SLC46A2: variants seen among roughly 807,000 people sequenced by gnomAD.
The protein encoded by SLC46A2 is thymic stromal co-transporter.
SLC46A2 carries 25 observed loss-of-function variants against 33.1 expected under a neutral mutation model. The observed-to-expected ratio is 0.76, with a 90% confidence interval of 0.55 to 1.06. The LOEUF (loss-of-function observed/expected upper bound fraction) is 1.06, where lower values mean the gene tolerates loss of function less well. SLC46A2 is among the 50% of genes least tolerant of loss of function. SLC46A2 has a pLI of 0.00. For missense variants in SLC46A2, 622 were observed against 621.7 expected, an observed-to-expected ratio of 1.00 and a Z score of 0.00; for synonymous variants, 254 against 275.9, an observed-to-expected ratio of 0.92 and a Z score of 0.79.
chr9:112,888,048 CG>C (rs1841668542), intron 1 of SLC46A2, among the ~76,000 whole-genome samples: 2 of 151,916 alleles, frequency 1.3e-5, no homozygotes, highest in South Asian at 4.2e-4. Context: ...GAGGCCGAGG[CG>C]GGTGGATCAT....
intron 1 of SLC46A2, 104 bp from the exon 2 acceptor site, chr9:112,887,517 A>T: frequency 9.7e-6 from 10 of 1,027,310 alleles, no homozygotes; most frequent in Admixed American, 2.9e-5. Flanking sequence ...CACAATCCGA[A>T]TGTGGCTTGA....
At position 112,890,523 on chromosome 9, in the gene SLC46A2, G is replaced by A. The variant is rs1465059721; in HGVS notation, c.159C>T (p.Ser53=). 1.7e-5 allele frequency: 27 copies of A among 1,613,682 alleles called. No individual in the cohort carries two copies. Among genetic ancestry groups the A allele is most frequent in the Non-Finnish European group, 2.2e-5 (26 of 1,179,954 alleles). ...VVKASYGTGG[S]SNHSASPSPR... is the part of the protein sequence containing the mutation. Reference sequence around the variant, plus strand: ...GCGATGGGCTGGCACTGTGGTTGGAGGAGCCTCCGGTTCCGTAGGACGCCT... The same window carrying A: ...GCGATGGGCTGGCACTGTGGTTGGAAGAGCCTCCGGTTCCGTAGGACGCCT... The change falls in exon 1 of 4, where the codon TCC becomes TCT. Residue 53 remains serine (S), a synonymous_variant. Transcript: ENST00000374228. This position sits in a 1 kb window ranked among gnomAD's most constrained non-coding sequence, Gnocchi z 6.0.
intron 3 of SLC46A2, among the ~76,000 whole-genome samples, chr9:112,882,880 G>A (rs1406806414): frequency 6.6e-6 from 1 of 152,150 alleles, no homozygotes; most frequent in South Asian, 2.1e-4. Flanking sequence ...TGAGAAGACA[G>A]CCCAGAATAG....
chr9:112,879,883 C>T, intron 3 of SLC46A2, 64 bp from the exon 4 acceptor site: 1 of 1,447,698 alleles, frequency 6.9e-7, no homozygotes, highest in Non-Finnish European at 9.7e-7. Context: ...GTGAAACTGC[C>T]CTCACAGGGT....
Position 112,890,219 on chromosome 9 carries a change from C to G in SLC46A2, c.463G>C (p.Gly155Arg), listed in dbSNP as rs1841710358. The change falls in exon 1 of 4, where the codon GGG (glycine) becomes CGG (arginine). Residue 155 changes from glycine to arginine, a missense_variant. Transcript: ENST00000374228. This position sits in a 1 kb window ranked among gnomAD's most constrained non-coding sequence, Gnocchi z 6.0. ...LFGGFSAFWSGVMALGSLGSS... is the reference protein window; with the variant it reads ...LFGGFSAFWSRVMALGSLGSS... ...CCCAGCGATCCCAGCGCCATGACCC[C>G]GGACCAGAAGGCGGAGAAGCCGCCG... 2.5e-6 allele frequency: 4 copies of G among 1,613,116 alleles called. No individual in the cohort carries two copies. Among genetic ancestry groups the G allele is most frequent in the Non-Finnish European group, 3.4e-6 (4 of 1,179,898 alleles).
At chr9:112,881,706 C>A (rs1841579757) in intron 3 of SLC46A2, 1 of 152,236 alleles carries the variant, frequency 6.6e-6, no homozygotes, top group Non-Finnish European at 1.5e-5. Context: ...GTGCTGAACA[C>A]AGAAGATACA....
In SLC46A2 at chr9:112,890,291, A is replaced by T; in HGVS notation, c.391T>A (p.Trp131Arg). The change falls in exon 1 of 4, where the codon TGG (tryptophan) becomes AGG (arginine). Residue 131 changes from tryptophan to arginine, a missense_variant. Trp to Arg is a moderately radical substitution (Grantham distance 101). Coordinates refer to ENST00000374228, the MANE Select transcript of SLC46A2 (RefSeq NM_033051.4). This position sits in a 1 kb window ranked among gnomAD's most constrained non-coding sequence, Gnocchi z 6.0. ...LGLLLKVLLDWPVEVLYGAAA... is the reference protein window; with the variant it reads ...LGLLLKVLLDRPVEVLYGAAA... ...GCCCCGTACAGCACCTCCACTGGCCAGTCCAGCAGCACCTTGAGCAGCAGC... is the reference window on the plus strand; with the variant it reads ...GCCCCGTACAGCACCTCCACTGGCCTGTCCAGCAGCACCTTGAGCAGCAGC... 6.2e-7 allele frequency: 1 copy of T among 1,613,686 alleles called. No homozygotes were observed. Among genetic ancestry groups the T allele is most frequent in the Non-Finnish European group, 8.5e-7 (1 of 1,179,916 alleles).
At position 112,889,867 on chromosome 9, in the gene SLC46A2, G is replaced by A; in HGVS notation, c.815C>T (p.Ser272Phe). 6.2e-7 allele frequency: 1 copy of A among 1,614,236 alleles called. No homozygotes were observed. The highest frequency in any genetic ancestry group is 2.2e-5 in the East Asian group (1 of 44,882). Residue 272 changes from serine (S) to phenylalanine (F), a missense_variant, in exon 1 of 4, where the codon TCT becomes TTT. Ser to Phe is a radical substitution (Grantham distance 155, BLOSUM62 -2). Coordinates refer to ENST00000374228, the MANE Select transcript of SLC46A2 (RefSeq NM_033051.4). ...TTTATGGGGTTTTGCTTTTCCAGGA[G>A]ATGGAGGGTGCCCCACTGCATACTG... is the stretch of plus-strand genomic sequence containing the variant. ...DQQYAVGHPP[S>F]PGKAKPHKTT...
rs750409266 is a variant in SLC46A2 at position 112,890,330 on chromosome 9, G to A, written c.352C>T (p.Leu118Phe). 2 of 1,613,906 alleles carry A rather than the reference G, an allele frequency of 1.2e-6. No individual in the cohort carries two copies. Among genetic ancestry groups the A allele is most frequent in the Admixed American group, 3.3e-5 (2 of 60,028 alleles). The change falls in exon 1 of 4, where the codon CTC (leucine) becomes TTC (phenylalanine). Residue 118 changes from leucine (L) to phenylalanine (F), a missense_variant. Transcript: ENST00000374228. The surrounding 1 kb of genome is among the most constrained non-coding windows in gnomAD (Gnocchi z 6.0). ...SICMSLLGFL[L>F]SRLGLLLKVL... is the part of the protein sequence containing the mutation. ...TTGAGCAGCAGCCCGAGGCGGGAGA[G>A]CAGGAAGCCCAGCAGCGACATGCAG... is the stretch of plus-strand genomic sequence containing the variant.
At chr9:112,881,042 G>A (rs1841570058) in intron 3 of SLC46A2, among the ~76,000 whole-genome samples, 1 of 152,202 alleles carries the variant, frequency 6.6e-6, no homozygotes, top group Admixed American at 6.5e-5. Context: ...CTAATTGCAA[G>A]CAGAATTAGC....
chr9:112,880,683 G>A (rs945080307), intron 3 of SLC46A2, among the ~76,000 whole-genome samples: 3 of 152,168 alleles, frequency 2.0e-5, no homozygotes, highest in African/African-American at 4.8e-5. Flanking sequence ...CTGCTCTTTC[G>A]GAGTCTGTTA....
At chr9:112,883,499 A>T (rs1841607737) in intron 3 of SLC46A2, among the ~76,000 whole-genome samples, 1 of 151,772 alleles carries the variant, frequency 6.6e-6, no homozygotes, top group Admixed American at 6.6e-5. Context: ...TAATTACCAT[A>T]AAGGATTGTT....
At chr9:112,882,452 G>T (rs1841591691) in intron 3 of SLC46A2, among the ~76,000 whole-genome samples, 1 of 152,118 alleles carries the variant, frequency 6.6e-6, no homozygotes, top group South Asian at 2.1e-4. Context: ...CAAGTGCAGG[G>T]CTTTCAGCAG....
rs1333479740 is a variant in SLC46A2 at position 112,889,632 on chromosome 9, C to T, written c.1050G>A (p.Met350Ile). The T allele has an allele frequency of 6.2e-7, 1 of 1,614,034 alleles. No individual in the cohort carries two copies. Among genetic ancestry groups the T allele is most frequent in the Non-Finnish European group, 8.5e-7 (1 of 1,180,024 alleles). ...VFSRCFRDTTMIMIGMVSFGS... is the reference protein window; with the variant it reads ...VFSRCFRDTTIIMIGMVSFGS... The stretch of plus-strand genomic sequence containing the variant: ...CAAAGGAGACCATCCCAATCATGAT[C>T]ATGGTGGTGTCCCGAAAGCAGCGGG... Residue 350 changes from methionine to isoleucine, a missense_variant, in exon 1 of 4, where the codon ATG becomes ATA. Met to Ile is a conservative substitution (Grantham distance 10, BLOSUM62 1). Coordinates refer to ENST00000374228, the MANE Select transcript of SLC46A2 (RefSeq NM_033051.4).
Position 112,890,602 on chromosome 9 carries a change from G to A in SLC46A2, c.80C>T (p.Ala27Val). 1 of 1,607,778 alleles carries A rather than the reference G, an allele frequency of 6.2e-7. No homozygotes were observed. Among genetic ancestry groups the A allele is most frequent in the South Asian group, 1.1e-5 (1 of 91,058 alleles). The stretch of plus-strand genomic sequence containing the variant: ...GAGGGAGGCAGCCACCTGGGACGAG[G>A]CCACCACGGGCTCAACCCAGGTCCT... Reference protein sequence around the residue: ...HPRTWVEPVVASSQVAASLYD... With the variant: ...HPRTWVEPVVVSSQVAASLYD... The change falls in exon 1 of 4, where the codon GCC (alanine) becomes GTC (valine). Residue 27 changes from alanine to valine, a missense_variant. Physicochemically the swap from Ala to Val is moderately conservative, Grantham distance 64. Transcript: ENST00000374228. This position sits in a 1 kb window ranked among gnomAD's most constrained non-coding sequence, Gnocchi z 6.0.
chr9:112,885,181 G>A (rs1457053794), intron 3 of SLC46A2: 1 of 152,104 alleles, frequency 6.6e-6, no homozygotes, highest in Non-Finnish European at 1.5e-5. Context: ...GAGCCCTAAT[G>A]ATTGACGGCT....
intron 1 of SLC46A2, 56 bp from the exon 2 acceptor site, chr9:112,887,469 G>A (rs1236269902): frequency 2.7e-6 from 4 of 1,490,702 alleles, no homozygotes; most frequent in African/African-American, 1.4e-5. Flanking sequence ...GGCCAAGGAG[G>A]AAATTATCAA....
intron 3 of SLC46A2, among the ~76,000 whole-genome samples, chr9:112,882,737 G>A (rs1008970654): frequency 2.6e-5 from 4 of 152,084 alleles, no homozygotes; most frequent in South Asian, 2.1e-4. Context: ...TGGTGCCGCC[G>A]TTTAATGAGA....
intron 3 of SLC46A2, among the ~76,000 whole-genome samples, chr9:112,882,878 C>G (rs1234710732): frequency 2.0e-5 from 3 of 152,136 alleles, no homozygotes; most frequent in African/African-American, 7.2e-5. Flanking sequence ...AGTGAGAAGA[C>G]AGCCCAGAAT....
Sources: allele counts gnomAD v4.1 joint callset (sites outside exome capture counted in the v4.1 genomes callset), GRCh38; gene constraint gnomAD v4.1.1; non-coding constraint Gnocchi (gnomAD v3.1); transcripts MANE v1.5; gene names NCBI Gene and HGNC (gene_info 2026-07-23, HGNC 2026-07-21).